The following PUDP variants were observed in gnomAD, a reference collection of about 807,000 sequenced individuals.
PUDP encodes the protein pseudouridine 5'-phosphatase, also known as pseudouridine-5'-phosphatase.
In PUDP, 8 loss-of-function variants were observed where a neutral mutation model predicts 9.4. The observed-to-expected ratio is 0.85, with a 90% CI of 0.50 to 1.53. The LOEUF (loss-of-function observed/expected upper bound fraction) is 1.53. Ranked by LOEUF, PUDP falls within the 40% of genes most tolerant of loss-of-function variation. The pLI is 0.00. For synonymous variants in PUDP, 99 were observed against 80.7 expected, an observed-to-expected ratio of 1.23 and a Z score of -1.22; for missense variants, 188 against 189.7, an observed-to-expected ratio of 0.99 and a Z score of 0.05.
chrX:6,901,130 T>G (rs1166891695), intron 3 of PUDP, among the ~76,000 whole-genome samples: 3 of 111,751 alleles, frequency 2.7e-5, no homozygotes, highest in Non-Finnish European at 3.8e-5. Flanking sequence ...TGACCCAAAA[T>G]GAAAAGATAA....
At chrX:6,911,361 T>C (rs1285898496) in intron 3 of PUDP, among the ~76,000 whole-genome samples, 20 of 110,004 alleles carry the variant, frequency 1.8e-4, no homozygotes, top group Non-Finnish European at 1.9e-5. Flanking sequence ...ACCTGGCTAA[T>C]TTTTGTATTT....
intron 1 of PUDP, among the ~76,000 whole-genome samples, chrX:6,721,249 T>C (rs1924670420): frequency 8.9e-6 from 1 of 111,807 alleles, no homozygotes; most frequent in South Asian, 3.7e-4. Context: ...AAATCCTCCT[T>C]TAGAAATTAC....
chrX:6,909,083 A>G (rs1927810989), intron 3 of PUDP, among the ~76,000 whole-genome samples: 1 of 112,157 alleles, frequency 8.9e-6, no homozygotes, highest in South Asian at 3.7e-4. Flanking sequence ...AGAGACCCAC[A>G]TGCTTTAGAC....
chrX:7,107,816 G>A (rs1395252679), intron 1 of PUDP, among the ~76,000 whole-genome samples: 13 of 112,529 alleles, frequency 1.2e-4, no homozygotes, highest in Admixed American at 5.6e-4. Context: ...CAACAAGAGC[G>A]AAATTATGTC....
intron 3 of PUDP, among the ~76,000 whole-genome samples, chrX:6,905,576 A>G (rs1927754880): frequency 9.0e-6 from 1 of 111,482 alleles, no homozygotes; most frequent in Non-Finnish European, 1.9e-5. Context: ...CACTGTCCCA[A>G]GAACAGCATA....
chrX:6,909,781 T>G (rs1054379401), intron 3 of PUDP, among the ~76,000 whole-genome samples: 1 of 112,479 alleles, frequency 8.9e-6, no homozygotes, highest in Non-Finnish European at 1.9e-5. Flanking sequence ...CTCAAGGGCA[T>G]GTCCCCCTCC....
At chrX:6,938,773 C>T (rs963612632) in intron 3 of PUDP, among the ~76,000 whole-genome samples, 19 of 96,047 alleles carry the variant, frequency 2.0e-4, no homozygotes, top group African/African-American at 6.4e-4. Context: ...TTTTCTTTTT[C>T]TTTTCTTTCT....
At chrX:6,924,242 A>C (rs979157252) in intron 3 of PUDP, among the ~76,000 whole-genome samples, 13 of 111,751 alleles carry the variant, frequency 1.2e-4, no homozygotes, top group Admixed American at 1.1e-3. Flanking sequence ...AGTGAGCCCC[A>C]GAATGACATG....
chrX:6,932,100 C>T lies in PUDP; in HGVS notation c.*247+45033G>A, dbSNP rs1476682097. 1.8e-5 allele frequency among the ~76,000 whole-genome samples: 2 copies of T among 111,660 alleles called. 1 individual carries two copies. Among genetic ancestry groups the T allele is most frequent in the East Asian group, 5.7e-4 (2 of 3,530 alleles). ...TGTGTGTGTTTATGTGTGCACCATA[C>T]ATAAGTTAAGTTCGTAAGGCAAACT... On this transcript the variant is annotated intron_variant and NMD_transcript_variant, in intron 3 of 3. Coordinates refer to the PUDP transcript ENST00000655425.
chrX:6,913,562 T>C (rs963659140), intron 3 of PUDP, among the ~76,000 whole-genome samples: 2 of 111,670 alleles, frequency 1.8e-5, no homozygotes, highest in African/African-American at 6.5e-5. Flanking sequence ...AAAAGATGGA[T>C]TTTTCTTTCA....
intron 1 of PUDP, among the ~76,000 whole-genome samples, chrX:7,019,887 C>T (rs1929606477): frequency 9.0e-6 from 1 of 111,443 alleles, no homozygotes; most frequent in South Asian, 3.8e-4. Context: ...TTTCCCTTGG[C>T]CTCTGCAAGG....
intron 3 of PUDP, among the ~76,000 whole-genome samples, chrX:6,933,003 A>C (rs1928224635): frequency 9.1e-6 from 1 of 110,433 alleles, no homozygotes. Flanking sequence ...CAGCTCAAGG[A>C]GGCCTGCCTG....
chrX:6,763,279 C>T (rs749228562), intron 3 of PUDP, among the ~76,000 whole-genome samples: 2 of 111,171 alleles, frequency 1.8e-5, no homozygotes, highest in African/African-American at 3.3e-5. Context: ...GTCCCAGCTA[C>T]TTGGGAGGCT....
In PUDP at chrX:7,107,753, A is replaced by T. The variant is rs539889923; in HGVS notation, c.62-1915T>A. Among the ~76,000 whole-genome samples the T allele has an allele frequency of 4.4e-5, 5 of 112,686 alleles. No individual in the cohort carries two copies. The South Asian group carries it at 1.5e-3, about 33-fold the overall frequency. On this transcript the variant is annotated intron_variant, in intron 1 of 3. Transcript: ENST00000381077. The stretch of plus-strand genomic sequence containing the variant: ...TGGGGCAGGAGAATCACTTGAACCC[A>T]AGAGGCGGAGGTTGCAGTGAGCCAA...
At chrX:6,784,711 T>C (rs755757780) in intron 3 of PUDP, among the ~76,000 whole-genome samples, 24 of 112,286 alleles carry the variant, frequency 2.1e-4, no homozygotes, top group Non-Finnish European at 4.1e-4. Context: ...AAAATCCTCC[T>C]TAACATGTTA....
At chrX:6,717,419 T>C (rs1256899157) in intron 1 of PUDP, among the ~76,000 whole-genome samples, 1 of 111,575 alleles carries the variant, frequency 9.0e-6, no homozygotes, top group African/African-American at 3.3e-5. Context: ...ATTGACAGGA[T>C]GAGGCTCCTC....
chrX:6,891,543 A>G (rs1927516011), intron 3 of PUDP, among the ~76,000 whole-genome samples: 1 of 111,456 alleles, frequency 9.0e-6, no homozygotes, highest in Admixed American at 9.5e-5. Flanking sequence ...CCAGCTCCCA[A>G]CTCCTTTCTC....
rs60038953 is a variant in PUDP, at chrX:6,781,976, G to A, written c.*248-75510C>T. The stretch of plus-strand genomic sequence containing the variant: ...TTTGGCAAACCTGGTGAAGAGAAAC[G>A]CTTATCAGAGTCCTTTTCTCAAGAG... On this transcript the variant is annotated intron_variant and NMD_transcript_variant, in intron 3 of 3. Coordinates refer to the PUDP transcript ENST00000655425. Among the ~76,000 whole-genome samples, 751 of 112,097 alleles carry A rather than the reference G, an allele frequency of 6.7e-3. 5 individuals are homozygous for A. Among genetic ancestry groups the A allele is most frequent in the African/African-American group, 0.022 (690 of 30,838 alleles).
At chrX:6,983,884 G>A (rs1167414490) in intron 1 of PUDP, among the ~76,000 whole-genome samples, 1 of 112,437 alleles carries the variant, frequency 8.9e-6, no homozygotes, top group African/African-American at 3.2e-5. Context: ...CAATGGAATT[G>A]TCTAGAGGGT....
Sources: allele counts gnomAD v4.1 joint callset (sites outside exome capture counted in the v4.1 genomes callset), GRCh38; gene constraint gnomAD v4.1.1; transcripts MANE v1.5; gene names NCBI Gene and HGNC (gene_info 2026-07-23, HGNC 2026-07-21).